ASTN2: variants seen among roughly 807,000 people sequenced by gnomAD.
The protein encoded by ASTN2 is astrotactin 2.
Under a neutral mutation model 139.8 loss-of-function variants are expected in ASTN2, and 54 were observed. That is an observed-to-expected ratio of 0.39 (90% confidence interval 0.31 to 0.48). ASTN2 has a LOEUF of 0.48. ASTN2 is among the 20% of genes least tolerant of loss of function. The pLI, the probability that ASTN2 is intolerant of heterozygous loss-of-function variation, is 0.95. For missense variants in ASTN2, 1,565 were observed against 1,725.1 expected, an observed-to-expected ratio of 0.91 and a Z score of 1.64; for synonymous variants, 756 against 719.5, an observed-to-expected ratio of 1.05 and a Z score of -0.81.
intron 4 of ASTN2, among the ~76,000 whole-genome samples, chr9:117,125,861 G>A (rs1829676573): frequency 6.6e-6 from 1 of 151,932 alleles, no homozygotes; most frequent in South Asian, 2.1e-4. Flanking sequence ...AAGGATTAAT[G>A]AGGCGAGGGG....
intron 10 of ASTN2, among the ~76,000 whole-genome samples, chr9:116,922,292 CT>C (rs1220047494): frequency 6.6e-6 from 1 of 152,136 alleles, no homozygotes; most frequent in East Asian, 1.9e-4. Flanking sequence ...AAATTATAAG[CT>C]TTTCAAGGAA....
At chr9:117,203,681 G>A (rs1278450496) in intron 3 of ASTN2, among the ~76,000 whole-genome samples, 1 of 152,086 alleles carries the variant, frequency 6.6e-6, no homozygotes, top group Non-Finnish European at 1.5e-5. Flanking sequence ...TCCTGTGCCT[G>A]GAGATGTCAC....
intron 10 of ASTN2, among the ~76,000 whole-genome samples, chr9:116,916,900 A>G (rs1477117676): frequency 2.0e-5 from 3 of 152,124 alleles, no homozygotes; most frequent in Non-Finnish European, 4.4e-5. Flanking sequence ...TCTCACTTCT[A>G]TCCCCATCTT....
rs114402308 is a variant in ASTN2, at chr9:117,387,374, G to A, written c.442+27123C>T. Among the ~76,000 whole-genome samples, 742 of 152,270 alleles carry A rather than the reference G, an allele frequency of 4.9e-3. 10 individuals carry two copies. Among genetic ancestry groups the A allele is most frequent in the African/African-American group, 0.017 (717 of 41,538 alleles). On this transcript the variant is annotated intron_variant, in intron 1 of 22. Coordinates refer to ENST00000313400, the MANE Select transcript of ASTN2 (RefSeq NM_001365068.1). ...AGAAACAAATATATAATTAAAATCT[G>A]TGATTAAGTGCTGCCAATAGCAGGA... is the stretch of plus-strand genomic sequence containing the variant.
At chr9:116,747,578 T>C (rs904417706) in intron 13 of ASTN2, among the ~76,000 whole-genome samples, 5 of 152,062 alleles carry the variant, frequency 3.3e-5, no homozygotes, top group South Asian at 2.1e-4. Flanking sequence ...TGGAGTCATG[T>C]ACAATTGAAT....
intron 19 of ASTN2, among the ~76,000 whole-genome samples, chr9:116,615,667 T>G (rs1349046324): frequency 1.4e-5 from 2 of 145,510 alleles, no homozygotes; most frequent in African/African-American, 5.1e-5. Flanking sequence ...TAGGTGGGAA[T>G]TGAACAATGA....
intron 4 of ASTN2, 72 bp from the exon 5 acceptor site, chr9:117,096,223 A>G: frequency 8.1e-7 from 1 of 1,227,354 alleles, no homozygotes; most frequent in Non-Finnish European, 1.2e-6. Flanking sequence ...CAACCATCCC[A>G]GAGATCAGCA....
chr9:117,134,512 T>C lies in ASTN2; in HGVS notation c.1168+6814A>G, dbSNP rs1320388492. On this transcript the variant is annotated intron_variant, in intron 4 of 22. Transcript: ENST00000313400. The stretch of plus-strand genomic sequence containing the variant: ...AGGGTCTGATTTTGATGGAGGATTT[T>C]GTGGCTTCCCATCTTCCCACTGGCA... 2.0e-5 allele frequency among the ~76,000 whole-genome samples: 3 copies of C among 152,112 alleles called. No homozygotes were observed. The East Asian group carries it at 5.8e-4, about 29-fold the overall frequency.
chr9:116,796,811 ATGTTT>A (rs1830703733), intron 13 of ASTN2, among the ~76,000 whole-genome samples: 1 of 152,030 alleles, frequency 6.6e-6, no homozygotes, highest in African/African-American at 2.4e-5. Context: ...GATATGTTAA[ATGTTT>A]TGTTTTGTTT....
intron 6 of ASTN2, among the ~76,000 whole-genome samples, chr9:117,023,014 T>C (rs1837933966): frequency 1.3e-5 from 2 of 148,966 alleles, no homozygotes; most frequent in African/African-American, 5.0e-5. Flanking sequence ...ACAACAAAAC[T>C]GAAGACAATA....
At chr9:116,749,622 G>A (rs1399980770) in intron 13 of ASTN2, among the ~76,000 whole-genome samples, 1 of 152,100 alleles carries the variant, frequency 6.6e-6, no homozygotes, top group Admixed American at 6.5e-5. Flanking sequence ...ACTTTTGGGG[G>A]GCAGGAACTA....
intron 22 of ASTN2, among the ~76,000 whole-genome samples, chr9:116,439,385 A>T (rs1847770417): frequency 7.1e-6 from 1 of 141,490 alleles, no homozygotes; most frequent in African/African-American, 2.8e-5. Context: ...TATTTTTAGT[A>T]GAGACGGGGT....
intron 20 of ASTN2, among the ~76,000 whole-genome samples, chr9:116,462,768 AG>A (rs1482924994): frequency 6.9e-6 from 1 of 144,154 alleles, no homozygotes; most frequent in Non-Finnish European, 1.5e-5. Flanking sequence ...TTGCTCTTTA[AG>A]GGTAAGTGTT....
At chr9:116,972,534 T>C (rs928316785) in intron 10 of ASTN2, among the ~76,000 whole-genome samples, 3 of 152,200 alleles carry the variant, frequency 2.0e-5, no homozygotes, top group Admixed American at 6.5e-5. Context: ...CTATAGAAGA[T>C]ATATACCTCC....
chr9:116,470,068 G>A (rs1848766160), intron 20 of ASTN2, among the ~76,000 whole-genome samples: 2 of 152,064 alleles, frequency 1.3e-5, no homozygotes, highest in African/African-American at 4.8e-5. Flanking sequence ...GCTGGGCATG[G>A]TGGTGGGCAC....
At chr9:117,198,662 G>A (rs1370816798) in intron 3 of ASTN2, among the ~76,000 whole-genome samples, 1 of 152,170 alleles carries the variant, frequency 6.6e-6, no homozygotes, top group East Asian at 1.9e-4. Context: ...CCAGTAATGA[G>A]ATTGCTGGGT....
In ASTN2 at chr9:117,210,110, G is replaced by C. The variant is rs961008403; in HGVS notation, c.1015+4248C>G. 3.9e-5 allele frequency among the ~76,000 whole-genome samples: 6 copies of C among 152,012 alleles called. 1 individual carries two copies. The highest frequency in any genetic ancestry group is 1.3e-4 in the Admixed American group (2 of 15,262). ...AATGCTTATATCAAAGAACTAGAAA[G>C]ATTTCAAATCAATAACCTATTAATG... On this transcript the variant is annotated intron_variant, in intron 3 of 22. Transcript: ENST00000313400.
chr9:116,481,449 T>C (rs796326676), intron 20 of ASTN2, among the ~76,000 whole-genome samples: 9 of 152,260 alleles, frequency 5.9e-5, no homozygotes, highest in African/African-American at 2.2e-4. Flanking sequence ...GGCCACACAG[T>C]GGGTAAAAAC....
At chr9:116,760,303 G>C (rs116362349) in intron 13 of ASTN2, among the ~76,000 whole-genome samples, 2,048 of 152,264 alleles carry the variant, frequency 0.013, 55 homozygotes, top group African/African-American at 0.047. Flanking sequence ...TTTTTGAACA[G>C]AGAAGTATGG....
Sources: allele counts gnomAD v4.1 joint callset (sites outside exome capture counted in the v4.1 genomes callset), GRCh38; gene constraint gnomAD v4.1.1; transcripts MANE v1.5; gene names NCBI Gene and HGNC (gene_info 2026-07-23, HGNC 2026-07-21).